Variants in MCTP1 observed in about 807,000 individuals in gnomAD.
MCTP1 encodes multiple C2 and transmembrane domain containing 1.
A neutral mutation model predicts 120.6 loss-of-function variants in MCTP1; 69 were observed. The ratio of observed to expected loss-of-function variants is 0.57; its 90% CI spans 0.47 to 0.70. The LOEUF (loss-of-function observed/expected upper bound fraction) is 0.70. Ranked by LOEUF, MCTP1 falls within the 30% of genes least tolerant of loss-of-function variation. The pLI is 0.00. For synonymous variants in MCTP1, 529 were observed against 493.1 expected, an observed-to-expected ratio of 1.07 and a Z score of -0.96; for missense variants, 1,203 against 1,248.8, an observed-to-expected ratio of 0.96 and a Z score of 0.55.
intron 1 of MCTP1, among the ~76,000 whole-genome samples, chr5:95,151,117 A>C (rs1582376140): frequency 7.7e-6 from 1 of 129,848 alleles, no homozygotes; most frequent in East Asian, 2.5e-4. Context: ...GGTGTGCACC[A>C]CCACGCCTGG....
At chr5:95,208,292 T>C (rs1216116034) in intron 1 of MCTP1, among the ~76,000 whole-genome samples, 1 of 152,128 alleles carries the variant, frequency 6.6e-6, no homozygotes, top group African/African-American at 2.4e-5. Flanking sequence ...GGTTTCACTA[T>C]GTTGGCAAGG....
intron 12 of MCTP1, among the ~76,000 whole-genome samples, chr5:94,886,657 A>G (rs1801403338): frequency 6.6e-6 from 1 of 152,220 alleles, no homozygotes; most frequent in South Asian, 2.1e-4. Context: ...AAATTCCTAA[A>G]TGGACGCTAA....
intron 1 of MCTP1, among the ~76,000 whole-genome samples, chr5:95,106,019 T>A (rs925345373): frequency 1.3e-5 from 2 of 152,316 alleles, no homozygotes; most frequent in Middle Eastern, 3.4e-3. Flanking sequence ...TTAATCTTGT[T>A]TCAAACTTAT....
Position 94,706,832 on chromosome 5 carries a change from A to ATGAT in MCTP1, c.*660_*663dup, listed in dbSNP as rs1197836386. 1.3e-5 allele frequency: 2 copies of ATGAT among 151,904 alleles called. No homozygotes were observed. The highest frequency in any genetic ancestry group is 2.9e-5 in the Non-Finnish European group (2 of 67,898). The allele number at this position is 151,904 out of a possible 1,614,324, so 9.4% of individuals were successfully genotyped here. A position where few individuals can be genotyped will look rare whatever the true frequency, so the allele number is the denominator to read the frequency against. On this transcript the variant is annotated 3_prime_UTR_variant, in exon 23 of 23. Coordinates refer to ENST00000515393, the MANE Select transcript of MCTP1 (RefSeq NM_024717.7). Reference sequence around the variant, plus strand: ...TAGAGATTTTAAGGTTTTAGATGGAATGATTGATTGAAATTCTATAAAGAA... The same window carrying ATGAT: ...TAGAGATTTTAAGGTTTTAGATGGAATGATTGATTGATTGAAATTCTATAAAGAA...
chr5:95,127,722 G>A (rs1582310746), intron 1 of MCTP1, among the ~76,000 whole-genome samples: 5 of 152,068 alleles, frequency 3.3e-5, no homozygotes, highest in Admixed American at 1.3e-4. Context: ...ACTCCAACCC[G>A]TACTGTAAAT....
chr5:95,095,698 T>C (rs1368511561), intron 1 of MCTP1, among the ~76,000 whole-genome samples: 1 of 152,192 alleles, frequency 6.6e-6, no homozygotes, highest in Non-Finnish European at 1.5e-5. Context: ...TATATTTGTG[T>C]CAAGATAACT....
chr5:95,276,068 T>C (rs1293033278), intron 1 of MCTP1, among the ~76,000 whole-genome samples: 2 of 152,078 alleles, frequency 1.3e-5, no homozygotes, highest in Non-Finnish European at 2.9e-5. Context: ...ATGCAGTTGA[T>C]GGGCAATGCA....
At chr5:95,235,910 T>C (rs1272130236) in intron 1 of MCTP1, among the ~76,000 whole-genome samples, 1 of 152,186 alleles carries the variant, frequency 6.6e-6, no homozygotes, top group Non-Finnish European at 1.5e-5. Flanking sequence ...TGTGAAATAA[T>C]ACATATCTAT....
At chr5:94,855,694 A>C (rs1050298758) in intron 17 of MCTP1, among the ~76,000 whole-genome samples, 1 of 151,508 alleles carries the variant, frequency 6.6e-6, no homozygotes, top group Non-Finnish European at 1.5e-5. Context: ...AGAAAGAGGG[A>C]AAAGGAAACC....
intron 2 of MCTP1, among the ~76,000 whole-genome samples, chr5:95,013,860 G>T (rs1836531790): frequency 1.3e-5 from 2 of 152,062 alleles, no homozygotes; most frequent in African/African-American, 4.8e-5. Flanking sequence ...TATAATTTAA[G>T]AATACATTCT....
intron 2 of MCTP1, among the ~76,000 whole-genome samples, chr5:94,996,283 C>G (rs749463361): frequency 1.3e-5 from 2 of 152,106 alleles, no homozygotes; most frequent in African/African-American, 4.8e-5. Flanking sequence ...AATTAAAGAC[C>G]GTGTGGATGT....
At chr5:95,078,586 T>C (rs1194510626) in intron 1 of MCTP1, among the ~76,000 whole-genome samples, 2 of 152,160 alleles carry the variant, frequency 1.3e-5, no homozygotes, top group Non-Finnish European at 2.9e-5. Context: ...GTTGCAGTCA[T>C]TAAAATGATT....
chr5:95,104,298 T>A (rs1756946355), intron 1 of MCTP1, among the ~76,000 whole-genome samples: 3 of 152,216 alleles, frequency 2.0e-5, no homozygotes, highest in Admixed American at 2.0e-4. Context: ...CTAAGTTGGT[T>A]ATTTTGAACC....
chr5:94,968,977 C>T (rs956873456), intron 2 of MCTP1, among the ~76,000 whole-genome samples: 2 of 152,124 alleles, frequency 1.3e-5, no homozygotes, highest in South Asian at 4.1e-4. Flanking sequence ...TTCACATATT[C>T]ATTTTGTCAG....
At chr5:94,914,801 G>C (rs1809648649) in intron 8 of MCTP1, among the ~76,000 whole-genome samples, 1 of 152,206 alleles carries the variant, frequency 6.6e-6, no homozygotes, top group East Asian at 1.9e-4. Context: ...GTTGAACAGA[G>C]GACTTCTCAG....
At chr5:95,026,217 C>T (rs1562038194) in intron 1 of MCTP1, among the ~76,000 whole-genome samples, 1 of 151,958 alleles carries the variant, frequency 6.6e-6, no homozygotes, top group Admixed American at 6.6e-5. Flanking sequence ...TATTTTGATA[C>T]AGACATGCAA....
intron 19 of MCTP1, among the ~76,000 whole-genome samples, chr5:94,721,037 T>C (rs1211442831): frequency 6.6e-6 from 1 of 152,172 alleles, no homozygotes; most frequent in Non-Finnish European, 1.5e-5. Context: ...AATAACCATA[T>C]GACCTTCCTA....
intron 1 of MCTP1, among the ~76,000 whole-genome samples, chr5:95,201,795 G>T (rs1029045318): frequency 6.6e-6 from 1 of 152,096 alleles, no homozygotes; most frequent in East Asian, 1.9e-4. Flanking sequence ...GTGAGCCACT[G>T]CACCTGGCCA....
chr5:95,282,916 C>G (rs954825945), intron 1 of MCTP1, among the ~76,000 whole-genome samples: 3 of 152,164 alleles, frequency 2.0e-5, no homozygotes, highest in Non-Finnish European at 4.4e-5. Context: ...TGTCATTCAT[C>G]TAACATAATT....
Sources: gnomAD v4.1 joint callset for allele counts (sites outside exome capture counted in the v4.1 genomes callset) on GRCh38, gnomAD v4.1.1 for gene constraint, MANE v1.5 for transcripts, NCBI Gene and HGNC (gene_info 2026-07-23, HGNC 2026-07-21) for gene names.